AFF3: variants seen among roughly 807,000 people sequenced by gnomAD.
The protein encoded by AFF3 is ALF transcription elongation factor 3, also known as AF4/FMR2 family member 3.
A neutral mutation model predicts 129.7 loss-of-function variants in AFF3; 32 were observed. The ratio of observed to expected loss-of-function variants is 0.25; its 90% CI spans 0.19 to 0.33. The LOEUF is 0.33. AFF3 is among the 10% of genes least tolerant of loss of function. The pLI, the probability that AFF3 is intolerant of heterozygous loss-of-function variation, is 1.00. For synonymous variants in AFF3, 644 were observed against 635.4 expected (o/e 1.01, Z -0.20); for missense variants, 1,373 against 1,592.0 (o/e 0.86, Z 2.34).
intron 7 of AFF3, among the ~76,000 whole-genome samples, chr2:99,974,965 G>C (rs968612713): frequency 9.2e-5 from 14 of 152,318 alleles, no homozygotes; most frequent in African/African-American, 3.1e-4. Context: ...TCAATTCAAG[G>C]CAGTGGTAGT....
At chr2:99,911,612 G>T (rs865877726) in intron 7 of AFF3, among the ~76,000 whole-genome samples, 2 of 152,098 alleles carry the variant, frequency 1.3e-5, no homozygotes, top group Admixed American at 1.3e-4. Flanking sequence ...GTAAATGCAG[G>T]TATTATGTAT....
chr2:100,046,630 A>C (rs906697755), intron 4 of AFF3, among the ~76,000 whole-genome samples: 4 of 152,252 alleles, frequency 2.6e-5, no homozygotes, highest in African/African-American at 9.6e-5. Flanking sequence ...GTAAAAAGTC[A>C]CGTCATGTTT....
intron 7 of AFF3, among the ~76,000 whole-genome samples, chr2:99,852,931 T>C (rs1270567039): frequency 6.6e-6 from 1 of 152,242 alleles, no homozygotes; most frequent in Admixed American, 6.5e-5. Flanking sequence ...TTCTACCATA[T>C]CCCCAAGACC....
chr2:100,084,424 C>T (rs1448415133), intron 4 of AFF3, among the ~76,000 whole-genome samples: 1 of 152,186 alleles, frequency 6.6e-6, no homozygotes, highest in African/African-American at 2.4e-5. Context: ...GGTGGCAGAG[C>T]AGGGGATCAG....
intron 9 of AFF3, 90 bp downstream of exon 9, chr2:99,752,131 A>G (rs1681709030): frequency 6.8e-6 from 8 of 1,182,628 alleles, no homozygotes; most frequent in Non-Finnish European, 8.7e-6. Context: ...ATATTTACAG[A>G]AGAAAAGACA....
rs546942186 is a variant in AFF3, at chr2:99,665,237, T to C, written c.1143+7301A>G. ...TTTTAGACCAAGGAATTACTTGATC[T>C]GATTTTTAAAAGATCACTGTGGGGA... On this transcript the variant is annotated intron_variant, in intron 12 of 24. Coordinates refer to ENST00000672756, the MANE Select transcript of AFF3 (RefSeq NM_001386135.1). Among the ~76,000 whole-genome samples the C allele has an allele frequency of 3.3e-5, 5 of 152,388 alleles. No homozygotes were observed. In the East Asian group the frequency reaches 9.6e-4, roughly 29 times the overall value.
chr2:100,078,696 C>T (rs1247177963), intron 4 of AFF3, among the ~76,000 whole-genome samples: 1 of 152,104 alleles, frequency 6.6e-6, no homozygotes, highest in Non-Finnish European at 1.5e-5. Context: ...ATATAGCCGT[C>T]CCTTGGTATC....
At chr2:100,142,188 T>C (rs890455379) in intron 1 of AFF3, among the ~76,000 whole-genome samples, 1 of 151,848 alleles carries the variant, frequency 6.6e-6, no homozygotes, top group Non-Finnish European at 1.5e-5. Flanking sequence ...TCAGGTTATG[T>C]CTTCTTTATG....
chr2:100,106,648 C>G, intron 2 of AFF3: 1 of 986,402 alleles, frequency 1.0e-6, no homozygotes, highest in Non-Finnish European at 1.2e-6. Flanking sequence ...GTCCTGTTCC[C>G]GTGCTCCTGG....
At chr2:99,730,509 A>G (rs1679735942) in intron 10 of AFF3, among the ~76,000 whole-genome samples, 1 of 149,342 alleles carries the variant, frequency 6.7e-6, no homozygotes, top group Non-Finnish European at 1.5e-5. Context: ...GTTTTGCTAT[A>G]CTGCAACTTT....
chr2:100,064,486 C>A (rs757126311), intron 4 of AFF3, among the ~76,000 whole-genome samples: 2 of 152,190 alleles, frequency 1.3e-5, no homozygotes, highest in African/African-American at 2.4e-5. Flanking sequence ...ATATTCTTGA[C>A]TGAATATCTG....
intron 8 of AFF3, among the ~76,000 whole-genome samples, chr2:99,773,499 A>G (rs1321426013): frequency 1.3e-5 from 2 of 148,276 alleles, no homozygotes; most frequent in African/African-American, 2.5e-5. Context: ...TTCTTTGGAA[A>G]CTGTGCTACG....
At chr2:99,591,789 G>T (rs931664827) in intron 15 of AFF3, among the ~76,000 whole-genome samples, 1 of 152,216 alleles carries the variant, frequency 6.6e-6, no homozygotes, top group African/African-American at 2.4e-5. Context: ...AAGCCAGACA[G>T]CCTGGGTTAA....
rs139851498 is a variant in AFF3, at chr2:99,689,492, C to T, written c.1092-16903G>A. On this transcript the variant is annotated intron_variant, in intron 11 of 24. Coordinates refer to ENST00000672756, the MANE Select transcript of AFF3 (RefSeq NM_001386135.1). ...AGTGACCTTATTGAATTACCCTCTGCTGTACCCATGTCTATTAGTGCACTT... is the reference window on the plus strand; with the variant it reads ...AGTGACCTTATTGAATTACCCTCTGTTGTACCCATGTCTATTAGTGCACTT... 2.8e-3 allele frequency among the ~76,000 whole-genome samples: 429 copies of T among 152,090 alleles called. 4 individuals are homozygous for T. Among genetic ancestry groups the T allele is most frequent in the African/African-American group, 9.9e-3 (410 of 41,466 alleles).
chr2:99,846,377 G>A (rs923685392), intron 7 of AFF3, among the ~76,000 whole-genome samples: 11 of 152,162 alleles, frequency 7.2e-5, no homozygotes, highest in Non-Finnish European at 8.8e-5. Context: ...TGATCTGCCC[G>A]CCTTGGCCTC....
chr2:99,744,282 T>C (rs560345299), intron 9 of AFF3, 142 bp from the exon 10 acceptor site: 2 of 638,266 alleles, frequency 3.1e-6, no homozygotes, highest in Non-Finnish European at 2.7e-6. Context: ...GAGAAACATA[T>C]ACATGAAGGT....
chr2:99,929,587 T>A (rs1696523744), intron 7 of AFF3, among the ~76,000 whole-genome samples: 3 of 152,208 alleles, frequency 2.0e-5, no homozygotes, highest in Non-Finnish European at 4.4e-5. Flanking sequence ...ATAATCTGAA[T>A]AAACAACCTT....
chr2:99,774,659 A>G (rs1683751201), intron 8 of AFF3, among the ~76,000 whole-genome samples: 1 of 152,252 alleles, frequency 6.6e-6, no homozygotes, highest in Admixed American at 6.5e-5. Flanking sequence ...AACCTAAGCA[A>G]TACCATTCAG....
intron 7 of AFF3, among the ~76,000 whole-genome samples, chr2:99,993,584 G>A (rs921973925): frequency 2.0e-5 from 3 of 151,420 alleles, no homozygotes; most frequent in African/African-American, 4.8e-5. Context: ...ATACAAAAAC[G>A]AGAGAGAGTT....
Sources: gnomAD v4.1 joint callset for allele counts (sites outside exome capture counted in the v4.1 genomes callset) on GRCh38, gnomAD v4.1.1 for gene constraint, MANE v1.5 for transcripts, NCBI Gene and HGNC (gene_info 2026-07-23, HGNC 2026-07-21) for gene names.